Variants in MBTPS1 observed in about 807,000 individuals in gnomAD.
The protein encoded by MBTPS1 is membrane bound transcription factor peptidase, site 1, also known as membrane-bound transcription factor site-1 protease.
A neutral mutation model predicts 127.8 loss-of-function variants in MBTPS1; 94 were observed. That is an observed-to-expected ratio of 0.74 (90% CI 0.62 to 0.87). MBTPS1 has a LOEUF of 0.87. Among genes scored for constraint, MBTPS1 ranks in the 40% least tolerant of loss-of-function variants. The probability of loss-of-function intolerance (pLI) is 0.00; values close to 1 mark genes in which losing one functional copy is unlikely to be tolerated. For synonymous variants in MBTPS1, 632 were observed against 509.4 expected, an observed-to-expected ratio of 1.24 and a Z score of -3.24; for missense variants, 1,636 against 1,353.2, an observed-to-expected ratio of 1.21 and a Z score of -3.28.
intron 11 of MBTPS1, among the ~76,000 whole-genome samples, chr16:84,079,371 A>G (rs761402199): frequency 5.3e-5 from 8 of 152,222 alleles, no homozygotes; most frequent in Admixed American, 3.3e-4. Flanking sequence ...ACACCCAATA[A>G]CAAGTTATAA....
At position 84,093,721 on chromosome 16, in the gene MBTPS1, C is replaced by T. The variant is rs773906828; in HGVS notation, c.726G>A (p.Thr242=). 2.5e-6 allele frequency: 4 copies of T among 1,612,128 alleles called. No homozygotes were observed. Among genetic ancestry groups the T allele is most frequent in the Admixed American group, 1.7e-5 (1 of 60,020 alleles). Residue 242 remains threonine, a synonymous_variant, in exon 5 of 23, where the codon ACG becomes ACA. Transcript: ENST00000343411. ...KERTNWTNER[T]LDDGLGHGTF... ...GCTGCTGAGACCCACCATCGTCCAGCGTTCGCTCGTTGGTCCAGTTGGTTC... is the reference window on the plus strand; with the variant it reads ...GCTGCTGAGACCCACCATCGTCCAGTGTTCGCTCGTTGGTCCAGTTGGTTC...
chr16:84,101,524 A>G, intron 2 of MBTPS1, 97 bp downstream of exon 2: 1 of 1,120,734 alleles, frequency 8.9e-7, no homozygotes, highest in Admixed American at 2.5e-5. Context: ...TTACTGTAGA[A>G]AAGAGGAACA....
chr16:84,100,326 C>A (rs567205675), intron 2 of MBTPS1, among the ~76,000 whole-genome samples: 219 of 152,248 alleles, frequency 1.4e-3, no homozygotes, highest in African/African-American at 5.0e-3. Context: ...AGGAGGATCA[C>A]CTGAGGTCAA....
At chr16:84,087,684 G>A (rs72799290) in intron 8 of MBTPS1, among the ~76,000 whole-genome samples, 1,906 of 152,044 alleles carry the variant, frequency 0.013, 18 homozygotes, top group Middle Eastern at 0.034. Context: ...CACCTGCAAC[G>A]CCCCTCCTTT....
chr16:84,058,469 C>T (rs1421808765), intron 21 of MBTPS1, among the ~76,000 whole-genome samples: 2 of 152,224 alleles, frequency 1.3e-5, no homozygotes. Flanking sequence ...GAGGGCAAGA[C>T]TCCTGCTTGA....
chr16:84,100,997 T>TATAAAAA (rs1273256620), intron 2 of MBTPS1, among the ~76,000 whole-genome samples: 1 of 23,372 alleles, frequency 4.3e-5, no homozygotes, highest in Non-Finnish European at 8.7e-5. Flanking sequence ...CTACTAAAAA[T>TATAAAAA]ACAAAAAAAA....
chr16:84,058,581 G>T (rs899263255), intron 21 of MBTPS1, among the ~76,000 whole-genome samples: 2 of 152,146 alleles, frequency 1.3e-5, no homozygotes, highest in African/African-American at 4.8e-5. Flanking sequence ...TTCTTATATT[G>T]TCCTGTTTGG....
rs1483506640 is a variant in MBTPS1 at position 84,091,516 on chromosome 16, G to A, written c.963+216C>T. ...AAAAAAAAAAAAAAAAAATCAGCAA[G>A]GCACCATGTGCTCCTTATCAACACC... On this transcript the variant is annotated intron_variant, in intron 7 of 22. Coordinates refer to ENST00000343411, the MANE Select transcript of MBTPS1 (RefSeq NM_003791.4). Among the ~76,000 whole-genome samples, 6 of 149,618 alleles carry A rather than the reference G, an allele frequency of 4.0e-5. No individual in the cohort carries two copies. The East Asian group carries it at 7.8e-4, about 19-fold the overall frequency.
chr16:84,066,156 A>G (rs958763155), intron 17 of MBTPS1, among the ~76,000 whole-genome samples: 1 of 152,192 alleles, frequency 6.6e-6, no homozygotes, highest in Non-Finnish European at 1.5e-5. Flanking sequence ...CTGTGGGGGA[A>G]CTTCCTACAC....
At chr16:84,067,037 C>T (rs2085695144) in intron 16 of MBTPS1, among the ~76,000 whole-genome samples, 1 of 151,952 alleles carries the variant, frequency 6.6e-6, no homozygotes, top group African/African-American at 2.4e-5. Context: ...ACATTATTCC[C>T]TTTGAGTAAA....
At position 84,054,482 on chromosome 16, in the gene MBTPS1, C is replaced by T; in HGVS notation, c.3126G>A (p.Gln1042=). ...AAGGGGTCTTTGGCGGGTGAACCTGCTGCATGAGCTGCGGGCGCTTCACCC... is the reference window on the plus strand; with the variant it reads ...AAGGGGTCTTTGGCGGGTGAACCTGTTGCATGAGCTGCGGGCGCTTCACCC... ...KPRVKRPQLM[Q]QVHPPKTPSV Residue 1042 remains glutamine, a synonymous_variant, in exon 23 of 23, where the codon CAG becomes CAA. Transcript: ENST00000343411. 2 of 1,610,802 alleles carry T rather than the reference C, an allele frequency of 1.2e-6. No individual in the cohort carries two copies. The highest frequency in any genetic ancestry group is 1.7e-6 in the Non-Finnish European group (2 of 1,178,302).
rs2085640116 is a variant in MBTPS1, at chr16:84,063,333, A to T, written c.2544T>A (p.Asn848Lys). 6.2e-7 allele frequency: 1 copy of T among 1,612,854 alleles called. No homozygotes were observed. Among genetic ancestry groups the T allele is most frequent in the Non-Finnish European group, 8.5e-7 (1 of 1,178,992 alleles). ...TCTGTCGGTGACTGTCATCCAAGCA[A>T]TTGGAGTCCCCATACAGTACAATCC... ...GGRIVLYGDS[N>K]CLDDSHRQKD... Residue 848 changes from asparagine (N) to lysine (K), a missense_variant, in exon 19 of 23, where the codon AAT becomes AAA. Physicochemically the swap from Asn to Lys is moderately conservative, Grantham distance 94 (BLOSUM62 0). Transcript: ENST00000343411.
chr16:84,082,383 C>A (rs1195408090), intron 10 of MBTPS1, among the ~76,000 whole-genome samples: 1 of 152,150 alleles, frequency 6.6e-6, no homozygotes. Context: ...AAAGCCAATC[C>A]TTGCCTTTTT....
chr16:84,113,287 T>C (rs1015094260), intron 1 of MBTPS1, among the ~76,000 whole-genome samples: 6 of 152,238 alleles, frequency 3.9e-5, no homozygotes, highest in Non-Finnish European at 8.8e-5. Flanking sequence ...ATTTAATTTC[T>C]ATAAATTCTT....
At chr16:84,067,883 G>A (rs376744163) in intron 15 of MBTPS1, 60 bp from the exon 16 acceptor site, 14 of 1,513,848 alleles carry the variant, frequency 9.2e-6, no homozygotes, top group Middle Eastern at 3.4e-4. Context: ...ACACCACCAC[G>A]GCAGAAACAG....
rs570651089 is a variant in MBTPS1, at chr16:84,107,944, T to C, written c.-324-5837A>G. On this transcript the variant is annotated intron_variant, in intron 1 of 22. Coordinates refer to ENST00000343411, the MANE Select transcript of MBTPS1 (RefSeq NM_003791.4). ...TGGTCTCAAACTCCCAGGCTCAAGA[T>C]ATCCTCCTGCCTCAGCCTCTCAGAG... 8.1e-5 allele frequency among the ~76,000 whole-genome samples: 12 copies of C among 148,854 alleles called. No individual in the cohort carries two copies. The South Asian group carries it at 2.1e-3, about 27-fold the overall frequency.
intron 11 of MBTPS1, among the ~76,000 whole-genome samples, chr16:84,077,867 G>A (rs892506202): frequency 2.6e-5 from 4 of 151,638 alleles, no homozygotes; most frequent in East Asian, 1.9e-4. Context: ...CTCATATATC[G>A]AGAACTCTAA....
At chr16:84,079,694 A>G (rs552559916) in intron 11 of MBTPS1, among the ~76,000 whole-genome samples, 68 of 152,372 alleles carry the variant, frequency 4.5e-4, no homozygotes, top group Non-Finnish European at 8.5e-4. Flanking sequence ...CAGAGGTAAC[A>G]TGACCATCTC....
Position 84,081,873 on chromosome 16 carries a change from C to T in MBTPS1, c.1322G>A (p.Ser441Asn). The change falls in exon 11 of 23, where the codon AGT (serine) becomes AAT (asparagine). Residue 441 changes from serine (S) to asparagine (N), a missense_variant. Physicochemically the swap from Ser to Asn is conservative, Grantham distance 46. Coordinates refer to ENST00000343411, the MANE Select transcript of MBTPS1 (RefSeq NM_003791.4). ...TGACGCGATCAGGGCCTGCTTCATA[C>T]TGGCGGGATTCACCAGCTCACGCTT... is the stretch of plus-strand genomic sequence containing the variant. ...VQKRELVNPA[S>N]MKQALIASAR... is the part of the protein sequence containing the mutation. The T allele has an allele frequency of 6.7e-7, 1 of 1,490,440 alleles. No individual in the cohort carries two copies. The highest frequency in any genetic ancestry group is 8.9e-7 in the Non-Finnish European group (1 of 1,118,258). The allele number at this position is 1,490,440 out of a possible 1,614,324, so 92.3% of individuals were successfully genotyped here. A position where few individuals can be genotyped will look rare whatever the true frequency, so the allele number is the denominator to read the frequency against.
Sources: gnomAD v4.1 joint callset for allele counts (sites outside exome capture counted in the v4.1 genomes callset) on GRCh38, gnomAD v4.1.1 for gene constraint, MANE v1.5 for transcripts, NCBI Gene and HGNC (gene_info 2026-07-23, HGNC 2026-07-21) for gene names.